The following ERO1A variants were observed in gnomAD, a reference collection of about 807,000 sequenced individuals.
The protein encoded by ERO1A is ERO1-like protein alpha.
In ERO1A, 49 loss-of-function variants were observed where a neutral mutation model predicts 76.9. The ratio of observed to expected loss-of-function variants is 0.64; its 90% CI spans 0.51 to 0.81. The LOEUF is 0.81. Ranked by LOEUF, ERO1A falls within the 30% of genes least tolerant of loss-of-function variation. The pLI is 0.00. For synonymous variants in ERO1A, 174 were observed against 181.2 expected (o/e 0.96, Z 0.32); for missense variants, 448 against 542.1 (o/e 0.83, Z 1.72).
intron 3 of ERO1A, among the ~76,000 whole-genome samples, chr14:52,680,082 CAA>C (rs35358193): frequency 0.026 from 2,330 of 90,966 alleles, 17 homozygotes; most frequent in Non-Finnish European, 0.037. Context: ...AAAACACAAA[CAA>C]AAAAAAAAAA....
chr14:52,671,968 A>T, intron 4 of ERO1A, 97 bp from the exon 5 acceptor site: 1 of 865,516 alleles, frequency 1.2e-6, no homozygotes, highest in Non-Finnish European at 1.8e-6. Context: ...TATTTTTTTT[A>T]TTTTTCCAAT....
intron 1 of ERO1A, among the ~76,000 whole-genome samples, chr14:52,693,271 C>G (rs1397393744): frequency 1.3e-5 from 2 of 152,076 alleles, no homozygotes; most frequent in African/African-American, 4.8e-5. Context: ...TAGGCACAAT[C>G]TAATCACCTG....
At chr14:52,660,119 C>G (rs1283889973) in intron 9 of ERO1A, among the ~76,000 whole-genome samples, 2 of 152,200 alleles carry the variant, frequency 1.3e-5, no homozygotes, top group Non-Finnish European at 2.9e-5. Context: ...CAGGCATAAG[C>G]CACCACGCCC....
intron 3 of ERO1A, among the ~76,000 whole-genome samples, chr14:52,680,069 C>CA (rs2040937203): frequency 2.3e-5 from 1 of 43,680 alleles, no homozygotes; most frequent in African/African-American, 9.2e-5. Context: ...CAAAAACAAG[C>CA]AAAAAACACA....
Position 52,695,530 on chromosome 14 carries a change from G to T in ERO1A, c.-49C>A, listed in dbSNP as rs776653296. 1.8e-5 allele frequency: 24 copies of T among 1,357,366 alleles called. No homozygotes were observed. Among genetic ancestry groups the T allele is most frequent in the Non-Finnish European group, 2.4e-5 (24 of 1,018,752 alleles). The allele number at this position is 1,357,366 out of a possible 1,614,324, so 84.1% of individuals were successfully genotyped here. On this transcript the variant is annotated 5_prime_UTR_variant, in exon 1 of 16. Coordinates refer to ENST00000395686, the MANE Select transcript of ERO1A (RefSeq NM_014584.3). ...CCACGCTTGGGAGGCCAGTCCGCAC[G>T]CTCGGTCGCGGGCCGTGCGCCCTCA...
intron 11 of ERO1A, among the ~76,000 whole-genome samples, chr14:52,656,348 T>C (rs2040045109): frequency 6.6e-6 from 1 of 152,014 alleles, no homozygotes; most frequent in South Asian, 2.1e-4. Flanking sequence ...AAAATAATAG[T>C]CAAACTTCTG....
intron 8 of ERO1A, among the ~76,000 whole-genome samples, chr14:52,662,054 T>A (rs1174579800): frequency 1.3e-5 from 2 of 152,076 alleles, no homozygotes; most frequent in Non-Finnish European, 2.9e-5. Flanking sequence ...GATACCTGAT[T>A]TTCCTCACTG....
At chr14:52,659,920 G>A (rs755084323) in intron 9 of ERO1A, among the ~76,000 whole-genome samples, 8 of 151,370 alleles carry the variant, frequency 5.3e-5, no homozygotes, top group East Asian at 3.9e-4. Context: ...TGCAACCTCC[G>A]CCTCCCAAGC....
chr14:52,649,120 G>C (rs2039767975), intron 13 of ERO1A, among the ~76,000 whole-genome samples: 1 of 152,096 alleles, frequency 6.6e-6, no homozygotes, highest in South Asian at 2.1e-4. Flanking sequence ...GATTTTCCTT[G>C]TTTAGACATA....
intron 9 of ERO1A, among the ~76,000 whole-genome samples, 196 bp downstream of exon 9, chr14:52,661,097 G>C (rs965639266): frequency 1.3e-5 from 2 of 152,166 alleles, no homozygotes; most frequent in Non-Finnish European, 2.9e-5. Flanking sequence ...GAGGCACACT[G>C]TTTCTAATGC....
chr14:52,684,480 G>A (rs149541607), intron 1 of ERO1A, among the ~76,000 whole-genome samples: 357 of 152,238 alleles, frequency 2.3e-3, no homozygotes, highest in African/African-American at 8.4e-3. Flanking sequence ...TATGCTACTT[G>A]GGTATCTGAG....
chr14:52,646,323 A>G (rs377085223), intron 14 of ERO1A, 36 bp from the exon 15 acceptor site: 34 of 1,599,908 alleles, frequency 2.1e-5, no homozygotes, highest in Middle Eastern at 1.7e-4. Flanking sequence ...AAAATTAGAA[A>G]ATTATTCATG....
intron 6 of ERO1A, among the ~76,000 whole-genome samples, chr14:52,668,337 G>C (rs2040481296): frequency 6.6e-6 from 1 of 152,088 alleles, no homozygotes; most frequent in Non-Finnish European, 1.5e-5. Flanking sequence ...CATGAAGTCA[G>C]GAGTTCGAGA....
At chr14:52,675,600 T>A (rs1194110835) in intron 4 of ERO1A, among the ~76,000 whole-genome samples, 1 of 152,196 alleles carries the variant, frequency 6.6e-6, no homozygotes, top group Non-Finnish European at 1.5e-5. Flanking sequence ...TTAGACACAG[T>A]CTTCTTAAAA....
intron 7 of ERO1A, chr14:52,664,302 T>C (rs1431694510): frequency 6.6e-6 from 1 of 151,368 alleles, no homozygotes; most frequent in Non-Finnish European, 1.5e-5. Flanking sequence ...AGGTAATCTT[T>C]AGACACATCA....
chr14:52,650,535 G>C (rs1425524686), intron 13 of ERO1A, among the ~76,000 whole-genome samples: 1 of 150,094 alleles, frequency 6.7e-6, no homozygotes, highest in Non-Finnish European at 1.5e-5. Context: ...CAAAGATTCT[G>C]TGATATATAT....
At chr14:52,682,259 C>G in intron 3 of ERO1A, 66 bp downstream of exon 3, 1 of 1,297,362 alleles carries the variant, frequency 7.7e-7, no homozygotes, top group Non-Finnish European at 1.1e-6. Context: ...TTAAATAAAA[C>G]AAAACAAAAA....
chr14:52,679,740 C>A (rs1186199547), intron 3 of ERO1A, among the ~76,000 whole-genome samples: 2 of 152,036 alleles, frequency 1.3e-5, no homozygotes, highest in East Asian at 1.9e-4. Context: ...TCCATCATAA[C>A]ATCAGTTCAA....
intron 6 of ERO1A, among the ~76,000 whole-genome samples, chr14:52,667,505 C>T (rs1232821786): frequency 6.6e-6 from 1 of 152,050 alleles, no homozygotes; most frequent in Non-Finnish European, 1.5e-5. Flanking sequence ...ACTGCTTGAG[C>T]CCAGGAGTGA....
Sources: gnomAD v4.1 joint callset for allele counts (sites outside exome capture counted in the v4.1 genomes callset) on GRCh38, gnomAD v4.1.1 for gene constraint, MANE v1.5 for transcripts, NCBI Gene and HGNC (gene_info 2026-07-23, HGNC 2026-07-21) for gene names.